RALGAPA2: variants seen among roughly 807,000 people sequenced by gnomAD.
The protein encoded by RALGAPA2 is ral GTPase-activating protein subunit alpha-2.
RALGAPA2 carries 139 observed loss-of-function variants against 230.4 expected under a neutral mutation model. The ratio of observed to expected loss-of-function variants is 0.60; its 90% CI spans 0.53 to 0.69. RALGAPA2 has a LOEUF of 0.69. Ranked by LOEUF, RALGAPA2 falls within the 30% of genes least tolerant of loss-of-function variation. The probability of loss-of-function intolerance (pLI) is 0.00; values close to 1 mark genes in which losing one functional copy is unlikely to be tolerated. For missense variants in RALGAPA2, 2,163 were observed against 2,276.0 expected (o/e 0.95, Z 1.01); for synonymous variants, 847 against 837.8 (o/e 1.01, Z -0.19).
At chr20:20,504,460 G>T (rs993008017) in intron 34 of RALGAPA2, among the ~76,000 whole-genome samples, 25 of 152,128 alleles carry the variant, frequency 1.6e-4, no homozygotes, top group African/African-American at 4.8e-4. Flanking sequence ...TAAGGAAATT[G>T]GCCGGGCAAT....
At chr20:20,498,101 A>G (rs1327513163) in intron 35 of RALGAPA2, among the ~76,000 whole-genome samples, 7 of 152,214 alleles carry the variant, frequency 4.6e-5, no homozygotes, top group Admixed American at 4.6e-4. Flanking sequence ...CAATTTAAAG[A>G]AGAGTCCATC....
intron 20 of RALGAPA2, among the ~76,000 whole-genome samples, chr20:20,573,331 G>T (rs971959119): frequency 1.6e-4 from 25 of 152,246 alleles, no homozygotes; most frequent in Non-Finnish European, 2.9e-4. Context: ...TAGATCAGGG[G>T]AGAGGAAGAG....
At chr20:20,649,277 A>G (rs2067316868) in intron 4 of RALGAPA2, among the ~76,000 whole-genome samples, 1 of 152,130 alleles carries the variant, frequency 6.6e-6, no homozygotes, top group African/African-American at 2.4e-5. Flanking sequence ...GAATGAGGGG[A>G]GCAGGGAAAG....
chr20:20,668,822 C>A (rs960769748), intron 3 of RALGAPA2, among the ~76,000 whole-genome samples: 7 of 152,038 alleles, frequency 4.6e-5, no homozygotes, highest in African/African-American at 1.4e-4. Context: ...TGAAACTATG[C>A]AAAGAGAGAT....
chr20:20,567,419 G>C (rs1602841545), intron 23 of RALGAPA2, among the ~76,000 whole-genome samples: 1 of 152,206 alleles, frequency 6.6e-6, no homozygotes, highest in African/African-American at 2.4e-5. Flanking sequence ...ATGAAGAACT[G>C]AGAAGGCAAC....
intron 37 of RALGAPA2, among the ~76,000 whole-genome samples, chr20:20,433,896 TAAC>T (rs1233247802): frequency 6.6e-6 from 1 of 152,222 alleles, no homozygotes; most frequent in Non-Finnish European, 1.5e-5. Flanking sequence ...GTAGATCAAA[TAAC>T]AAAATACTGC....
intron 38 of RALGAPA2, among the ~76,000 whole-genome samples, chr20:20,410,625 T>C (rs976420309): frequency 2.0e-5 from 3 of 152,234 alleles, no homozygotes; most frequent in African/African-American, 4.8e-5. Context: ...GAAATCTTCA[T>C]TTCCCTTGAA....
chr20:20,401,917 C>A (rs1242489930), intron 38 of RALGAPA2, among the ~76,000 whole-genome samples: 1 of 152,194 alleles, frequency 6.6e-6, no homozygotes, highest in Non-Finnish European at 1.5e-5. Context: ...ATGGTCTTTG[C>A]CACTGTATAA....
chr20:20,516,488 C>T (rs2062874544), intron 31 of RALGAPA2, among the ~76,000 whole-genome samples: 1 of 152,212 alleles, frequency 6.6e-6, no homozygotes, highest in Admixed American at 6.5e-5. Context: ...GGCTGAATGA[C>T]CTCAGCTATC....
intron 36 of RALGAPA2, among the ~76,000 whole-genome samples, chr20:20,479,775 T>C (rs1391129243): frequency 1.3e-5 from 2 of 152,170 alleles, no homozygotes; most frequent in Non-Finnish European, 2.9e-5. Context: ...TCCTTGCCAA[T>C]ACAGTAATGC....
At chr20:20,419,233 TA>T in intron 37 of RALGAPA2, among the ~76,000 whole-genome samples, 1 of 152,312 alleles carries the variant, frequency 6.6e-6, no homozygotes, top group Middle Eastern at 3.4e-3. Flanking sequence ...TAGTGTTCCT[TA>T]GAACGTATGT....
chr20:20,476,493 T>C (rs1190183246), intron 36 of RALGAPA2, among the ~76,000 whole-genome samples: 1 of 151,796 alleles, frequency 6.6e-6, no homozygotes, highest in Non-Finnish European at 1.5e-5. Context: ...CTGGAACAAC[T>C]GGAGAGCCAT....
At chr20:20,681,145 G>C (rs1366774729) in intron 1 of RALGAPA2, among the ~76,000 whole-genome samples, 2 of 152,186 alleles carry the variant, frequency 1.3e-5, no homozygotes, top group Non-Finnish European at 2.9e-5. Flanking sequence ...AGGAAGTAGA[G>C]GTTCATGGAG....
chr20:20,670,949 CAAAAAAAAA>C (rs576675004), intron 3 of RALGAPA2, among the ~76,000 whole-genome samples: 1 of 55,890 alleles, frequency 1.8e-5, no homozygotes, highest in African/African-American at 6.1e-5. Flanking sequence ...GACTCCGTCT[CAAAAAAAAA>C]AAAAAAAAAA....
chr20:20,541,056 A>AT (rs2063628879), intron 24 of RALGAPA2, among the ~76,000 whole-genome samples: 3 of 48,350 alleles, frequency 6.2e-5, no homozygotes, highest in Admixed American at 3.7e-4. Flanking sequence ...AAGTCAGGAG[A>AT]ATTTTTTTTT....
At chr20:20,493,082 C>T (rs1418485403) in intron 36 of RALGAPA2, among the ~76,000 whole-genome samples, 2 of 152,124 alleles carry the variant, frequency 1.3e-5, no homozygotes, top group African/African-American at 4.8e-5. Context: ...CCAAATGTTG[C>T]CATGGATTCT....
chr20:20,435,737 G>C (rs2060597436), intron 37 of RALGAPA2, among the ~76,000 whole-genome samples: 1 of 152,196 alleles, frequency 6.6e-6, no homozygotes, highest in Admixed American at 6.5e-5. Context: ...GTGGTGAAAA[G>C]AGGTGGCTCT....
At chr20:20,674,136 C>T (rs2068236547) in intron 3 of RALGAPA2, among the ~76,000 whole-genome samples, 2 of 151,874 alleles carry the variant, frequency 1.3e-5, no homozygotes, top group South Asian at 2.1e-4. Flanking sequence ...GTCAAGGCTA[C>T]AGTGAGCTAT....
At chr20:20,428,509 A>G (rs1359533358) in intron 37 of RALGAPA2, among the ~76,000 whole-genome samples, 1 of 152,224 alleles carries the variant, frequency 6.6e-6, no homozygotes, top group African/African-American at 2.4e-5. Context: ...GACCCAGATG[A>G]GGAAAATGTC....
Sources: gnomAD v4.1 joint callset for allele counts (sites outside exome capture counted in the v4.1 genomes callset) on GRCh38, gnomAD v4.1.1 for gene constraint, MANE v1.5 for transcripts, NCBI Gene and HGNC (gene_info 2026-07-23, HGNC 2026-07-21) for gene names.